The following NUP210 variants were observed in gnomAD, a reference collection of about 807,000 sequenced individuals.
The protein encoded by NUP210 is nuclear pore membrane glycoprotein 210.
In NUP210, 151 loss-of-function variants were observed where a neutral mutation model predicts 196.0. The observed-to-expected ratio is 0.77, with a 90% CI of 0.67 to 0.88. NUP210 has a LOEUF of 0.88. Ranked by LOEUF, NUP210 falls within the 40% of genes least tolerant of loss-of-function variation. NUP210 has a pLI of 0.00. For synonymous variants in NUP210, 1,070 were observed against 1,052.7 expected (o/e 1.02, Z -0.32); for missense variants, 2,314 against 2,493.7 (o/e 0.93, Z 1.53).
intron 13 of NUP210, among the ~76,000 whole-genome samples, chr3:13,369,443 T>G (rs1455721645): frequency 9.2e-5 from 14 of 152,232 alleles, no homozygotes; most frequent in Admixed American, 9.2e-4. Flanking sequence ...TTGTCTATTT[T>G]TAATTTGTAG....
At chr3:13,415,375 G>A (rs780270709) in intron 1 of NUP210, among the ~76,000 whole-genome samples, 4 of 152,176 alleles carry the variant, frequency 2.6e-5, no homozygotes, top group Non-Finnish European at 4.4e-5. Flanking sequence ...CAGGCCCTGC[G>A]GGAGCTCTGG....
At chr3:13,397,151 C>T (rs944598814) in intron 3 of NUP210, among the ~76,000 whole-genome samples, 1 of 152,112 alleles carries the variant, frequency 6.6e-6, no homozygotes, top group African/African-American at 2.4e-5. Flanking sequence ...TCGACACCAC[C>T]GAGGGCTTGA....
At chr3:13,375,479 C>G (rs140003594) in intron 11 of NUP210, 25 bp downstream of exon 11, 2 of 1,605,468 alleles carry the variant, frequency 1.2e-6, no homozygotes, top group African/African-American at 2.7e-5. Flanking sequence ...AAGGAATGCA[C>G]GCAGAGGTGA....
intron 5 of NUP210, among the ~76,000 whole-genome samples, chr3:13,387,106 C>T (rs1274432539): frequency 2.6e-5 from 4 of 152,212 alleles, no homozygotes; most frequent in East Asian, 1.9e-4. Flanking sequence ...CAGGTGAAGG[C>T]GCAGCTGACT....
At chr3:13,342,262 T>TCTCC in intron 21 of NUP210, 139 bp from the exon 22 acceptor site, 1 of 1,048,272 alleles carries the variant, frequency 9.5e-7, no homozygotes, top group Non-Finnish European at 1.4e-6. Context: ...CCAGGTTGAC[T>TCTCC]TCTGGACTAT....
chr3:13,332,477 G>T (rs1697036499), intron 28 of NUP210, 93 bp from the exon 29 acceptor site: 4 of 982,772 alleles, frequency 4.1e-6, no homozygotes, highest in African/African-American at 1.6e-5. Flanking sequence ...GAGCCGAGGA[G>T]GGGCCAGAGA....
chr3:13,391,317 C>T lies in NUP210; in HGVS notation c.437-10G>A. On this transcript the variant is annotated splice_polypyrimidine_tract_variant and intron_variant, in intron 3 of 39. Coordinates refer to ENST00000254508, the MANE Select transcript of NUP210 (RefSeq NM_024923.4). ...GTGCTGAAGGTGTTCCCTATAAGAG[C>T]AGATGGGAGAGGCAGACAGATATGG... The T allele has an allele frequency of 6.3e-7, 1 of 1,582,528 alleles. No homozygotes were observed. The highest frequency in any genetic ancestry group is 8.6e-7 in the Non-Finnish European group (1 of 1,157,016).
intron 36 of NUP210, among the ~76,000 whole-genome samples, chr3:13,320,338 A>G (rs984066934): frequency 3.3e-5 from 5 of 152,212 alleles, no homozygotes; most frequent in African/African-American, 1.2e-4. Flanking sequence ...GCTGCTTACA[A>G]AAAGGCTAAA....
rs374418449 is a variant in NUP210, at chr3:13,352,130, C to T, written c.2683G>A (p.Val895Met). ...ASIELILVED[V>M]RVSPEEVTIY... ...GTCACCTCTTCTGGGCTCACCCTCA[C>T]GTCCTCCACCAGGATGAGCTCTATG... The change falls in exon 19 of 40, where the codon GTG becomes ATG. Residue 895 changes from valine (V) to methionine (M), a missense_variant. Transcript: ENST00000254508. 3.7e-6 allele frequency: 6 copies of T among 1,614,090 alleles called. No homozygotes were observed. The highest frequency in any genetic ancestry group is 2.2e-5 in the South Asian group (2 of 91,068).
chr3:13,412,247 T>TTTTTTTTTA (rs1553605356), intron 1 of NUP210, among the ~76,000 whole-genome samples: 16,887 of 134,620 alleles, frequency 0.13, 1,700 homozygotes, highest in African/African-American at 0.23. Flanking sequence ...TTTTTTTTTT[T>TTTTTTTTTA]AGTAGAGACA....
chr3:13,330,953 G>A (rs1455568387), intron 29 of NUP210, among the ~76,000 whole-genome samples: 1 of 152,170 alleles, frequency 6.6e-6, no homozygotes, highest in African/African-American at 2.4e-5. Flanking sequence ...AGCTCCATGG[G>A]ACATCTACTG....
chr3:13,338,049 C>CCATG (rs1417192150), intron 25 of NUP210, 132 bp from the exon 26 acceptor site: 1 of 768,680 alleles, frequency 1.3e-6, no homozygotes, highest in Non-Finnish European at 2.1e-6. Context: ...ATGACCAGCA[C>CCATG]CATGCTCCTC....
intron 3 of NUP210, among the ~76,000 whole-genome samples, chr3:13,394,913 C>T (rs1367597793): frequency 1.3e-5 from 2 of 152,194 alleles, no homozygotes; most frequent in Non-Finnish European, 2.9e-5. Flanking sequence ...TGAAGGTACT[C>T]ATCAAAGTAT....
intron 6 of NUP210, 82 bp downstream of exon 6, chr3:13,386,193 G>A: frequency 6.7e-7 from 1 of 1,496,472 alleles, no homozygotes. Flanking sequence ...GGTTAAGATG[G>A]TAAATTTTGT....
At chr3:13,318,140 G>C (rs536139886) in intron 39 of NUP210, among the ~76,000 whole-genome samples, 1 of 152,306 alleles carries the variant, frequency 6.6e-6, no homozygotes, top group African/African-American at 2.4e-5. Context: ...GACCCCGAGG[G>C]GAGCAGCGAT....
intron 1 of NUP210, among the ~76,000 whole-genome samples, chr3:13,402,020 C>A (rs144752840): frequency 6.6e-6 from 1 of 151,962 alleles, no homozygotes; most frequent in South Asian, 2.1e-4. Context: ...CAAAGTGAGA[C>A]GCCATCTCTA....
At chr3:13,357,668 G>T (rs927834665) in intron 16 of NUP210, among the ~76,000 whole-genome samples, 4 of 152,138 alleles carry the variant, frequency 2.6e-5, no homozygotes, top group African/African-American at 9.7e-5. Flanking sequence ...GCATGGATGT[G>T]TCTCAAGTCC....
At chr3:13,370,464 C>T (rs1358587043) in intron 13 of NUP210, among the ~76,000 whole-genome samples, 1 of 152,180 alleles carries the variant, frequency 6.6e-6, no homozygotes, top group Non-Finnish European at 1.5e-5. Flanking sequence ...TGGAGTGGCT[C>T]AGACCCAGGC....
chr3:13,373,762 G>A lies in NUP210; in HGVS notation c.1543C>T (p.Gln515Ter). ...TGSDIGFSVI[Q>*]AHDVQNPLHF... ...AGTGGGTTCTGCACATCATGTGCCT[G>A]GATCACACTGAACCCGATGTCACTG... Residue 515 changes from glutamine to a stop codon, truncating the protein, a stop_gained, in exon 12 of 40, where the codon CAG (glutamine) becomes TAG (stop). Transcript: ENST00000254508. LOFTEE classifies it high-confidence loss of function. 1 of 1,614,142 alleles carries A rather than the reference G, an allele frequency of 6.2e-7. No individual in the cohort carries two copies. The highest frequency in any genetic ancestry group is 8.5e-7 in the Non-Finnish European group (1 of 1,180,002).
Sources: gnomAD v4.1 joint callset for allele counts (sites outside exome capture counted in the v4.1 genomes callset) on GRCh38, gnomAD v4.1.1 for gene constraint, MANE v1.5 for transcripts, NCBI Gene and HGNC (gene_info 2026-07-23, HGNC 2026-07-21) for gene names.